Variants in ATP2A2 observed in about 807,000 individuals in gnomAD.
ATP2A2 encodes sarcoplasmic/endoplasmic reticulum calcium ATPase 2.
ATP2A2 carries 14 observed loss-of-function variants against 109.3 expected under a neutral mutation model. That is an observed-to-expected ratio of 0.13 (90% CI 0.08 to 0.20). The LOEUF is 0.20. ATP2A2 is among the 10% of genes least tolerant of loss of function. The pLI is 1.00. For synonymous variants in ATP2A2, 506 were observed against 490.9 expected (o/e 1.03, Z -0.41); for missense variants, 657 against 1,321.6 (o/e 0.50, Z 7.80).
chr12:110,333,141 C>G, intron 9 of ATP2A2, 40 bp from the exon 10 acceptor site: 1 of 1,542,422 alleles, frequency 6.5e-7, no homozygotes, highest in Non-Finnish European at 9.0e-7. Context: ...TCAATAGTGG[C>G]GACCATACCC....
intron 3 of ATP2A2, among the ~76,000 whole-genome samples, chr12:110,287,822 A>G (rs1049070284): frequency 2.6e-5 from 4 of 151,766 alleles, no homozygotes; most frequent in Non-Finnish European, 4.4e-5. Context: ...CTCCATGTTG[A>G]CCAGGCTGGT....
rs1289932893 is a variant in ATP2A2, at chr12:110,347,541, G to A, written c.*1071G>A. 29 of 1,287,796 alleles carry A rather than the reference G, an allele frequency of 2.3e-5. No homozygotes were observed. Among genetic ancestry groups the A allele is most frequent in the African/African-American group, 1.5e-5 (1 of 65,792 alleles). The allele number at this position is 1,287,796 out of a possible 1,614,324, so 79.8% of individuals were successfully genotyped here. A position where few individuals can be genotyped will look rare whatever the true frequency, so the allele number is the denominator to read the frequency against. On this transcript the variant is annotated 3_prime_UTR_variant, in exon 20 of 20. Coordinates refer to ENST00000539276, the MANE Select transcript of ATP2A2 (RefSeq NM_170665.4). ...TTTTATGCAAGTTTCTGCTGGCCTG[G>A]TATAGAGAACATAAGGGCAAGTGTG...
At chr12:110,293,750 A>G (rs1873612479) in intron 4 of ATP2A2, among the ~76,000 whole-genome samples, 1 of 151,672 alleles carries the variant, frequency 6.6e-6, no homozygotes, top group African/African-American at 2.4e-5. Flanking sequence ...ATCTTTACCA[A>G]TAAATGTTAA....
Position 110,350,065 on chromosome 12 carries a change from G to T in ATP2A2, c.*3595G>T. The T allele has an allele frequency of 7.0e-7, 1 of 1,432,426 alleles. No individual in the cohort carries two copies. The highest frequency in any genetic ancestry group is 9.1e-7 in the Non-Finnish European group (1 of 1,098,644). 88.7% of individuals were successfully genotyped at this position (1,432,426 alleles called of 1,614,324 possible). On this transcript the variant is annotated 3_prime_UTR_variant, in exon 20 of 20. Transcript: ENST00000539276. ...CTCCAGAGCCTTTATTCTGTAGCCA[G>T]ACGACACGAGGAGTCTGTGTCACTG...
chr12:110,292,560 T>C (rs1186764527), intron 4 of ATP2A2, among the ~76,000 whole-genome samples: 1 of 152,104 alleles, frequency 6.6e-6, no homozygotes, highest in Non-Finnish European at 1.5e-5. Context: ...TGAGCCACCA[T>C]GCCCGGCCTA....
chr12:110,332,738 G>A (rs1878469911), intron 9 of ATP2A2, 53 bp downstream of exon 9: 2 of 1,441,932 alleles, frequency 1.4e-6, no homozygotes, highest in Non-Finnish European at 2.0e-6. Flanking sequence ...TTTAGTATTT[G>A]TATTGATTTG....
In ATP2A2 at chr12:110,319,223, GAAAAAAAAAAA is replaced by G. The variant is rs59623372; in HGVS notation, c.464-3756_464-3746del. On this transcript the variant is annotated intron_variant, in intron 5 of 19. Transcript: ENST00000539276. ...GACCCTGTCTGTAAGAATAAAAAAT[GAAAAAAAAAAA>G]AAAAAAAAAAAAGTGGATTCCTAGA... Among the ~76,000 whole-genome samples, 579 of 63,460 alleles carry G rather than the reference GAAAAAAAAAAA, an allele frequency of 9.1e-3. 1 individual carries two copies. Among genetic ancestry groups the G allele is most frequent in the Admixed American group, 0.015 (73 of 4,722 alleles). The allele number at this position is 63,460 out of a possible 152,430, so 41.6% of individuals were successfully genotyped here. A position where few individuals can be genotyped will look rare whatever the true frequency, so the allele number is the denominator to read the frequency against.
intron 4 of ATP2A2, among the ~76,000 whole-genome samples, chr12:110,292,456 A>G (rs902703019): frequency 6.6e-6 from 1 of 151,982 alleles, no homozygotes; most frequent in Non-Finnish European, 1.5e-5. Flanking sequence ...TTGGTAAGAG[A>G]CAGGGTTTCA....
chr12:110,320,940 CA>C (rs1356282804), intron 5 of ATP2A2, among the ~76,000 whole-genome samples: 3 of 152,204 alleles, frequency 2.0e-5, no homozygotes, highest in Non-Finnish European at 4.4e-5. Context: ...TTAAGAAGTT[CA>C]GTGTTGGCTG....
At chr12:110,332,710 A>G in intron 9 of ATP2A2, 25 bp downstream of exon 9, 1 of 1,557,866 alleles carries the variant, frequency 6.4e-7, no homozygotes, top group Non-Finnish European at 8.9e-7. Context: ...TCCTCATTTA[A>G]AGGATCTGGT....
rs1268612833 is a variant in ATP2A2 at position 110,349,557 on chromosome 12, C to A, written c.*3087C>A. 2 of 986,422 alleles carry A rather than the reference C, an allele frequency of 2.0e-6. No homozygotes were observed. The highest frequency in any genetic ancestry group is 2.4e-6 in the Non-Finnish European group (2 of 830,716). The allele number at this position is 986,422 out of a possible 1,614,324, so 61.1% of individuals were successfully genotyped here. On this transcript the variant is annotated 3_prime_UTR_variant, in exon 20 of 20. Transcript: ENST00000539276. The stretch of plus-strand genomic sequence containing the variant: ...GTGAGCTCCCAGGCAAGCAGGGCAT[C>A]TGGCCGACTTCCCTCACAACAGCTG...
intron 16 of ATP2A2, 107 bp from the exon 17 acceptor site, chr12:110,344,779 T>C (rs1258817283): frequency 1.8e-6 from 2 of 1,100,554 alleles, no homozygotes; most frequent in African/African-American, 3.1e-5. Context: ...TTACCATCAC[T>C]GTCCCATGTC....
intron 5 of ATP2A2, among the ~76,000 whole-genome samples, chr12:110,311,433 A>T (rs1876022286): frequency 6.6e-6 from 1 of 151,904 alleles, no homozygotes; most frequent in Non-Finnish European, 1.5e-5. Context: ...TACTAAAAAT[A>T]CAAAAATTAG....
At position 110,281,534 on chromosome 12, in the gene ATP2A2, T is replaced by G. The variant is rs1446221497; in HGVS notation, c.-256T>G. 5.1e-4 allele frequency: 111 copies of G among 217,130 alleles called. No individual in the cohort carries two copies. Among genetic ancestry groups the G allele is most frequent in the African/African-American group, 2.6e-3 (107 of 40,516 alleles). 13.5% of individuals were successfully genotyped at this position (217,130 alleles called of 1,614,324 possible). On this transcript the variant is annotated 5_prime_UTR_variant, in exon 1 of 20. Transcript: ENST00000539276. Reference sequence around the variant, plus strand: ...TGAGGGCGAGGGAGGCCCTCCCTTCTGGCGAGGGGAGGGAGGGTGGGTCAG... The same window carrying G: ...TGAGGGCGAGGGAGGCCCTCCCTTCGGGCGAGGGGAGGGAGGGTGGGTCAG...
Position 110,334,124 on chromosome 12 carries a change from G to A in ATP2A2, c.1400G>A (p.Arg467His), listed in dbSNP as rs1592852591. Residue 467 changes from arginine to histidine, a missense_variant, in exon 11 of 20, where the codon CGT (arginine) becomes CAT (histidine). By Grantham distance (29) the Arg-to-His change is conservative. Around this residue, in one of 9 missense-constraint regions of ATP2A2, gnomAD observed 180 missense variants for 329.1 expected, o/e 0.55. Coordinates refer to ENST00000539276, the MANE Select transcript of ATP2A2 (RefSeq NM_170665.4). ...TELKGLSKIE[R>H]ANACNSVIKQ... is the part of the protein sequence containing the mutation. Reference sequence around the variant, plus strand: ...TTGAAGGGTCTTTCTAAAATAGAACGTGCAAATGCCTGCAACTCAGTGAGT... The same window carrying A: ...TTGAAGGGTCTTTCTAAAATAGAACATGCAAATGCCTGCAACTCAGTGAGT... The A allele has an allele frequency of 4.3e-6, 7 of 1,613,944 alleles. No homozygotes were observed. Among genetic ancestry groups the A allele is most frequent in the Non-Finnish European group, 5.1e-6 (6 of 1,180,008 alleles).
rs1879212866 is a variant in ATP2A2 at position 110,340,181 on chromosome 12, T to C, written c.1761+460T>C. Among the ~76,000 whole-genome samples, 2 of 152,162 alleles carry C rather than the reference T, an allele frequency of 1.3e-5. No individual in the cohort carries two copies. Among genetic ancestry groups the C allele is most frequent in the Non-Finnish European group, 2.9e-5 (2 of 68,016 alleles). ...AAGCTTTGGTACTGTGGGCTCAGAA[T>C]AGCACAAGAGTTAAAGAATGGTTTG... On this transcript the variant is annotated intron_variant, in intron 13 of 19. Coordinates refer to ENST00000539276, the MANE Select transcript of ATP2A2 (RefSeq NM_170665.4). The surrounding 1 kb of genome is among the most constrained non-coding windows in gnomAD (Gnocchi z 6.0).
chr12:110,315,662 C>T (rs1396371421), intron 5 of ATP2A2, among the ~76,000 whole-genome samples: 3 of 152,078 alleles, frequency 2.0e-5, no homozygotes, highest in South Asian at 2.1e-4. Context: ...TATTTTTGGC[C>T]GGGTGCGGTG....
At position 110,332,593 on chromosome 12, in the gene ATP2A2, A is replaced by G. The variant is rs912803783; in HGVS notation, c.1096-4A>G. The G allele has an allele frequency of 4.4e-6, 7 of 1,608,094 alleles. 1 individual carries two copies. In the Middle Eastern group the frequency reaches 6.6e-4, roughly 152 times the overall value. ...AAATACTCTGATGCGCTCTCCCCCT[A>G]CAGATGTTCATTCTGGACAGAGTGG... On this transcript the variant is annotated splice_region_variant and splice_polypyrimidine_tract_variant and intron_variant, in intron 8 of 19. Coordinates refer to ENST00000539276, the MANE Select transcript of ATP2A2 (RefSeq NM_170665.4).
Position 110,349,389 on chromosome 12 carries a change from C to A in ATP2A2, c.*2919C>A. Reference sequence around the variant, plus strand: ...GGCAGGTGGCTGAAGGCCCAGCCATCAGTGTCGCTTGTTGCCACCCCGTGC... The same window carrying A: ...GGCAGGTGGCTGAAGGCCCAGCCATAAGTGTCGCTTGTTGCCACCCCGTGC... On this transcript the variant is annotated 3_prime_UTR_variant, in exon 20 of 20. Transcript: ENST00000539276. The A allele has an allele frequency of 1.0e-6, 1 of 985,566 alleles. No individual in the cohort carries two copies. The highest frequency in any genetic ancestry group is 1.2e-6 in the Non-Finnish European group (1 of 830,002). The allele number at this position is 985,566 out of a possible 1,614,324, so 61.1% of individuals were successfully genotyped here. A position where few individuals can be genotyped will look rare whatever the true frequency, so the allele number is the denominator to read the frequency against.
Sources: allele counts gnomAD v4.1 joint callset (sites outside exome capture counted in the v4.1 genomes callset), GRCh38; gene constraint gnomAD v4.1.1; regional missense constraint gnomAD v4.1.1; non-coding constraint Gnocchi (gnomAD v3.1); transcripts MANE v1.5; gene names NCBI Gene and HGNC (gene_info 2026-07-23, HGNC 2026-07-21).